Variants in SEMA3E observed in about 807,000 individuals in gnomAD.
SEMA3E encodes the protein semaphorin-3E.
SEMA3E carries 49 observed loss-of-function variants against 93.6 expected under a neutral mutation model. The observed-to-expected ratio is 0.52, with a 90% CI of 0.42 to 0.66. SEMA3E has a LOEUF of 0.66. Among genes scored for constraint, SEMA3E ranks in the 30% least tolerant of loss-of-function variants. The pLI, the probability that SEMA3E is intolerant of heterozygous loss-of-function variation, is 0.00. For missense variants in SEMA3E, 906 were observed against 964.8 expected, an observed-to-expected ratio of 0.94 and a Z score of 0.81; for synonymous variants, 363 against 330.7, an observed-to-expected ratio of 1.10 and a Z score of -1.06.
At chr7:83,436,638 T>C (rs184790814) in intron 4 of SEMA3E, among the ~76,000 whole-genome samples, 38 of 152,122 alleles carry the variant, frequency 2.5e-4, no homozygotes, top group Admixed American at 1.5e-3. Context: ...TAAGCAAGTA[T>C]ACAAAGAAAA....
chr7:83,580,815 A>G lies in SEMA3E; in HGVS notation c.115+67613T>C, dbSNP rs367942089. 7.9e-5 allele frequency among the ~76,000 whole-genome samples: 12 copies of G among 152,040 alleles called. 1 individual carries two copies. The highest frequency in any genetic ancestry group is 6.6e-5 in the Admixed American group (1 of 15,246). ...TATTTTAATTTTAACTTCTTTTCCA[A>G]ACAAATATAAGGCACTAAATGCTGT... is the stretch of plus-strand genomic sequence containing the variant. On this transcript the variant is annotated intron_variant, in intron 1 of 16. Transcript: ENST00000643230.
chr7:83,379,850 C>T (rs2116908713), intron 16 of SEMA3E, among the ~76,000 whole-genome samples: 1 of 152,010 alleles, frequency 6.6e-6, no homozygotes, highest in East Asian at 1.9e-4. Context: ...ATTAATCATG[C>T]TTGGTACACA....
Position 83,408,473 on chromosome 7 carries a change from C to A in SEMA3E, c.565G>T (p.Ala189Ser). Residue 189 changes from alanine to serine, a missense_variant, in exon 6 of 17, where the codon GCT becomes TCT. Physicochemically the swap from Ala to Ser is moderately conservative, Grantham distance 99. Transcript: ENST00000643230. The stretch of plus-strand genomic sequence containing the variant: ...CTCCAGTAGTCACTGTAGAGTCCAG[C>A]AAACAATTCACTACCTACACGGGAG... ...ISTLIGSELF[A>S]GLYSDYWSRD... 1 of 1,613,742 alleles carries A rather than the reference C, an allele frequency of 6.2e-7. No individual in the cohort carries two copies. The highest frequency in any genetic ancestry group is 1.7e-5 in the Admixed American group (1 of 59,894).
chr7:83,612,009 A>C (rs1053570139), intron 1 of SEMA3E, among the ~76,000 whole-genome samples: 1 of 152,140 alleles, frequency 6.6e-6, no homozygotes, highest in African/African-American at 2.4e-5. Flanking sequence ...GAATTCACAG[A>C]AGGTATTCTA....
chr7:83,619,988 A>G (rs1320752514), intron 1 of SEMA3E, among the ~76,000 whole-genome samples: 1 of 151,854 alleles, frequency 6.6e-6, no homozygotes, highest in Admixed American at 6.6e-5. Flanking sequence ...TAAAAATAAT[A>G]TCCTGACATT....
chr7:83,470,152 T>G (rs541122502), intron 2 of SEMA3E, among the ~76,000 whole-genome samples: 1 of 152,320 alleles, frequency 6.6e-6, no homozygotes, highest in African/African-American at 2.4e-5. Flanking sequence ...CTTTATACAT[T>G]CCTTAAAACT....
intron 16 of SEMA3E, among the ~76,000 whole-genome samples, chr7:83,384,930 T>C (rs184941698): frequency 6.5e-4 from 99 of 152,102 alleles, no homozygotes; most frequent in Non-Finnish European, 4.1e-4. Flanking sequence ...GTTTTGCTAT[T>C]TCTCTACAAC....
intron 4 of SEMA3E, among the ~76,000 whole-genome samples, chr7:83,457,478 TA>T (rs1789510332): frequency 6.6e-6 from 1 of 152,206 alleles, no homozygotes; most frequent in Non-Finnish European, 1.5e-5. Context: ...CAGCAAGAAA[TA>T]AAATTAGAAT....
At chr7:83,382,639 T>G (rs1472766640) in intron 16 of SEMA3E, among the ~76,000 whole-genome samples, 1 of 151,538 alleles carries the variant, frequency 6.6e-6, no homozygotes, top group Non-Finnish European at 1.5e-5. Flanking sequence ...ATATATTTAA[T>G]TTACATTTAT....
chr7:83,515,187 C>T (rs1790901586), intron 1 of SEMA3E, among the ~76,000 whole-genome samples: 1 of 151,842 alleles, frequency 6.6e-6, no homozygotes, highest in African/African-American at 2.4e-5. Flanking sequence ...CCTCCTTTTC[C>T]TTCTCACTGC....
intron 4 of SEMA3E, among the ~76,000 whole-genome samples, chr7:83,420,511 A>AAAC (rs893590857): frequency 5.3e-5 from 8 of 152,266 alleles, no homozygotes; most frequent in African/African-American, 1.9e-4. Flanking sequence ...AATGCTAAGC[A>AAAC]AACAACAACA....
At chr7:83,383,588 G>C (rs1447728329) in intron 16 of SEMA3E, among the ~76,000 whole-genome samples, 2 of 151,900 alleles carry the variant, frequency 1.3e-5, no homozygotes, top group Non-Finnish European at 2.9e-5. Flanking sequence ...TAAATTCAAA[G>C]TCCAAATATC....
At chr7:83,453,969 T>C (rs1284024765) in intron 4 of SEMA3E, among the ~76,000 whole-genome samples, 1 of 151,954 alleles carries the variant, frequency 6.6e-6, no homozygotes, top group Non-Finnish European at 1.5e-5. Context: ...CTATTAAAGA[T>C]AATTTTGGGC....
intron 1 of SEMA3E, among the ~76,000 whole-genome samples, chr7:83,571,980 CA>C (rs199557890): frequency 2.0e-5 from 3 of 151,392 alleles, no homozygotes; most frequent in East Asian, 3.9e-4. Context: ...ACAGTATCCA[CA>C]AAAAAAATGA....
chr7:83,624,641 A>G (rs1793632364), intron 1 of SEMA3E, among the ~76,000 whole-genome samples: 1 of 151,952 alleles, frequency 6.6e-6, no homozygotes. Context: ...GTCAGATGGA[A>G]AGTTTGCAAA....
intron 1 of SEMA3E, among the ~76,000 whole-genome samples, chr7:83,526,804 CTTTA>C (rs1335919795): frequency 2.0e-5 from 3 of 152,094 alleles, no homozygotes; most frequent in African/African-American, 7.2e-5. Context: ...TGTCATCTAT[CTTTA>C]TTCAACTGAA....
At chr7:83,437,435 G>A (rs115130418) in intron 4 of SEMA3E, among the ~76,000 whole-genome samples, 2,413 of 151,894 alleles carry the variant, frequency 0.016, 69 homozygotes, top group African/African-American at 0.055. Context: ...TTAAAAAATT[G>A]ATAAATTTTA....
rs1015982845 is a variant in SEMA3E at position 83,466,470 on chromosome 7, G to A, written c.456+12C>T. On this transcript the variant is annotated intron_variant, in intron 4 of 16. Transcript: ENST00000643230. Reference sequence around the variant, plus strand: ...ATTGTTTTTATTGACAGCAATGAATGAAACATCTTACCTCCAAATGATATC... The same window carrying A: ...ATTGTTTTTATTGACAGCAATGAATAAAACATCTTACCTCCAAATGATATC... 6.2e-7 allele frequency: 1 copy of A among 1,613,660 alleles called. No individual in the cohort carries two copies. Among genetic ancestry groups the A allele is most frequent in the African/African-American group, 1.3e-5 (1 of 75,028 alleles).
chr7:83,484,368 C>T (rs1414797256), intron 2 of SEMA3E, among the ~76,000 whole-genome samples: 3 of 152,074 alleles, frequency 2.0e-5, no homozygotes. Context: ...TCCATTGCTA[C>T]TTTCTCCTCA....
Sources: allele counts gnomAD v4.1 joint callset (sites outside exome capture counted in the v4.1 genomes callset), GRCh38; gene constraint gnomAD v4.1.1; transcripts MANE v1.5; gene names NCBI Gene and HGNC (gene_info 2026-07-23, HGNC 2026-07-21).